Variants in GNL3L observed in about 807,000 individuals in gnomAD.
GNL3L encodes the protein guanine nucleotide-binding protein-like 3-like protein.
GNL3L carries 4 observed loss-of-function variants against 42.9 expected under a neutral mutation model. That is an observed-to-expected ratio of 0.09 (90% CI 0.05 to 0.21). The LOEUF (loss-of-function observed/expected upper bound fraction) is 0.21, where lower values mean the gene tolerates loss of function less well. Among genes scored for constraint, GNL3L ranks in the 10% least tolerant of loss-of-function variants. The pLI, the probability that GNL3L is intolerant of heterozygous loss-of-function variation, is 1.00. For synonymous variants in GNL3L, 159 were observed against 176.3 expected (o/e 0.90, Z 0.78); for missense variants, 412 against 481.7 (o/e 0.86, Z 1.36).
intron 16 of GNL3L, among the ~76,000 whole-genome samples, chrX:54,615,287 A>C (rs1926208048): frequency 8.9e-6 from 1 of 112,229 alleles, no homozygotes; most frequent in Admixed American, 9.4e-5. Context: ...TTTCATTGTA[A>C]GTAAATACCA....
downstream of GNL3L, among the ~76,000 whole-genome samples, chrX:54,571,593 G>C (rs922216107): frequency 4.1e-4 from 43 of 103,740 alleles, no homozygotes; most frequent in African/African-American, 1.5e-3. Flanking sequence ...CCTCCGCCTT[G>C]CGAGCAGCTG....
At chrX:54,631,697 G>C in the GNL3L span, among the ~76,000 whole-genome samples, 2 of 111,626 alleles carry the variant, frequency 1.8e-5, no homozygotes, top group African/African-American at 6.5e-5. Context: ...GCAGGTACTT[G>C]ATAGGTGAAT....
downstream of GNL3L, among the ~76,000 whole-genome samples, chrX:54,622,273 A>ATTTT (rs773487259): frequency 6.3e-4 from 37 of 59,000 alleles, 2 homozygotes; most frequent in African/African-American, 3.3e-3. Context: ...AGTTGCAGGA[A>ATTTT]TTTTTTTTTT....
downstream of GNL3L, among the ~76,000 whole-genome samples, chrX:54,567,339 C>G (rs1373277919): frequency 9.2e-6 from 1 of 108,765 alleles, no homozygotes; most frequent in Non-Finnish European, 1.9e-5. Flanking sequence ...GCTGGGACTT[C>G]CAGTACTACA....
At position 54,565,699 on chromosome X, in the gene GNL3L, G is replaced by C. The variant is rs1336346326; in HGVS notation, c.*5097G>C. ...TTTTATTTGCATCCTCTAATGATTTGAGCATATTTTATATGCTTATTTGCT... is the reference window on the plus strand; with the variant it reads ...TTTTATTTGCATCCTCTAATGATTTCAGCATATTTTATATGCTTATTTGCT... On this transcript the variant is annotated 3_prime_UTR_variant, in exon 16 of 16. Transcript: ENST00000360845. Among the ~76,000 whole-genome samples the C allele has an allele frequency of 9.1e-6, 1 of 109,808 alleles. No homozygotes were observed. The highest frequency in any genetic ancestry group is 1.9e-5 in the Non-Finnish European group (1 of 52,698).
At chrX:54,601,903 T>C (rs1926008811) in intron 16 of GNL3L, among the ~76,000 whole-genome samples, 1 of 112,245 alleles carries the variant, frequency 8.9e-6, no homozygotes, top group South Asian at 3.7e-4. Context: ...GAAGTTGGTT[T>C]GTGTATCAAT....
chrX:54,590,510 T>C (rs1442719761), intron 16 of GNL3L, among the ~76,000 whole-genome samples: 2 of 111,895 alleles, frequency 1.8e-5, no homozygotes, highest in Non-Finnish European at 3.8e-5. Flanking sequence ...TCTTTATATA[T>C]TGTGATTATT....
intron 16 of GNL3L, among the ~76,000 whole-genome samples, chrX:54,617,232 A>G (rs1926230554): frequency 9.0e-6 from 1 of 111,591 alleles, no homozygotes; most frequent in Non-Finnish European, 1.9e-5. Flanking sequence ...GCATTGGAGG[A>G]TGTTCAATAT....
At chrX:54,580,961 A>G (rs1265589044) in intron 16 of GNL3L, among the ~76,000 whole-genome samples, 1 of 107,645 alleles carries the variant, frequency 9.3e-6, no homozygotes, top group Non-Finnish European at 1.9e-5. Flanking sequence ...TTGTAGTTTT[A>G]GTAGAGACGG....
chrX:54,618,980 A>C (rs1273128542), intron 16 of GNL3L, among the ~76,000 whole-genome samples: 1 of 111,720 alleles, frequency 9.0e-6, no homozygotes, highest in Non-Finnish European at 1.9e-5. Context: ...CCATGATACC[A>C]GTCTTCACTT....
intron 16 of GNL3L, among the ~76,000 whole-genome samples, chrX:54,586,494 G>T (rs1459371756): frequency 8.9e-6 from 1 of 111,874 alleles, no homozygotes; most frequent in African/African-American, 3.3e-5. Flanking sequence ...CTGCAGAGGG[G>T]TGCCTGTGTA....
At chrX:54,580,805 G>T (rs1408503240) in intron 16 of GNL3L, among the ~76,000 whole-genome samples, 1 of 112,024 alleles carries the variant, frequency 8.9e-6, no homozygotes, top group African/African-American at 3.2e-5. Flanking sequence ...TTTTGAAATA[G>T]AGTCTCACTC....
intron 16 of GNL3L, among the ~76,000 whole-genome samples, chrX:54,594,698 T>C (rs1925912644): frequency 9.0e-6 from 1 of 111,410 alleles, no homozygotes; most frequent in Admixed American, 9.6e-5. Flanking sequence ...CCTTCCTTCC[T>C]GTCTTCTTTT....
downstream of GNL3L, among the ~76,000 whole-genome samples, chrX:54,570,130 A>G (rs1374496885): frequency 2.7e-5 from 3 of 111,877 alleles, no homozygotes; most frequent in East Asian, 5.6e-4. Flanking sequence ...TACTTGTTCT[A>G]TCAGTTATTA....
intron 16 of GNL3L, among the ~76,000 whole-genome samples, chrX:54,619,647 T>A (rs1231669938): frequency 9.0e-6 from 1 of 111,076 alleles, no homozygotes; most frequent in Non-Finnish European, 1.9e-5. Context: ...TGAGCCACTG[T>A]GCCCAGCCTG....
intron 16 of GNL3L, among the ~76,000 whole-genome samples, chrX:54,602,681 A>G (rs1159117322): frequency 9.0e-6 from 1 of 111,466 alleles, no homozygotes; most frequent in East Asian, 2.8e-4. Flanking sequence ...GCTTGATGAA[A>G]TAGGTGGCCA....
At chrX:54,606,995 C>CCTTTCCTTTCTTTCTTTCT (rs1926071483) in intron 16 of GNL3L, among the ~76,000 whole-genome samples, 6 of 28,056 alleles carry the variant, frequency 2.1e-4, no homozygotes, top group Non-Finnish European at 3.6e-4. Flanking sequence ...CCTTTCCTTT[C>CCTTTCCTTTCTTTCTTTCT]CTTTCTTTCT....
chrX:54,636,743 G>C, the GNL3L span, among the ~76,000 whole-genome samples: 3 of 111,992 alleles, frequency 2.7e-5, no homozygotes, highest in Non-Finnish European at 5.6e-5. Context: ...CAGTATATAT[G>C]TATCACATTT....
At chrX:54,588,294 A>G (rs1925815953) in intron 16 of GNL3L, among the ~76,000 whole-genome samples, 1 of 112,221 alleles carries the variant, frequency 8.9e-6, no homozygotes, top group South Asian at 3.7e-4. Context: ...TCCATATCTT[A>G]GGGAAAAGCA....
Sources: gnomAD v4.1 joint callset for allele counts (sites outside exome capture counted in the v4.1 genomes callset) on GRCh38, gnomAD v4.1.1 for gene constraint, MANE v1.5 for transcripts, NCBI Gene and HGNC (gene_info 2026-07-23, HGNC 2026-07-21) for gene names.